GRIK2: variants seen among roughly 807,000 people sequenced by gnomAD.
GRIK2 encodes glutamate receptor ionotropic, kainate 2.
Under a neutral mutation model 100.3 loss-of-function variants are expected in GRIK2, and 32 were observed. The ratio of observed to expected loss-of-function variants is 0.32; its 90% CI spans 0.24 to 0.43. GRIK2 has a LOEUF of 0.43. Among genes scored for constraint, GRIK2 ranks in the 20% least tolerant of loss-of-function variants. The pLI, the probability that GRIK2 is intolerant of heterozygous loss-of-function variation, is 1.00. For synonymous variants in GRIK2, 417 were observed against 389.4 expected, an observed-to-expected ratio of 1.07 and a Z score of -0.83; for missense variants, 843 against 1,114.9, an observed-to-expected ratio of 0.76 and a Z score of 3.47.
At chr6:102,016,593 C>A (rs1046944698) in intron 14 of GRIK2, among the ~76,000 whole-genome samples, 1 of 148,292 alleles carries the variant, frequency 6.7e-6, no homozygotes, top group African/African-American at 2.5e-5. Context: ...ATGAAAAGGG[C>A]CAAACAAAAC....
At chr6:101,765,925 T>A (rs1778020303) in intron 7 of GRIK2, among the ~76,000 whole-genome samples, 1 of 152,164 alleles carries the variant, frequency 6.6e-6, no homozygotes, top group African/African-American at 2.4e-5. Flanking sequence ...CATTTATTTT[T>A]GTGGAATCCT....
intron 2 of GRIK2, among the ~76,000 whole-genome samples, chr6:101,411,049 T>C (rs1398007888): frequency 2.0e-5 from 3 of 152,076 alleles, no homozygotes; most frequent in African/African-American, 7.2e-5. Flanking sequence ...AAGAATATTT[T>C]TGAATTTTTG....
At position 102,055,527 on chromosome 6, in the gene GRIK2, G is replaced by A; in HGVS notation, c.2509G>A (p.Val837Met). ...AGCCGGCTTGGTGCTTTCAGTTTTT[G>A]TGGCAGTGGGAGAATTTTTATACAA... is the stretch of plus-strand genomic sequence containing the variant. ...LAAGLVLSVF[V>M]AVGEFLYKSK... Residue 837 changes from valine (V) to methionine (M), a missense_variant, in exon 16 of 17, where the codon GTG becomes ATG. By Grantham distance (21) the Val-to-Met change is conservative. Around this residue, in one of 3 missense-constraint regions of GRIK2, gnomAD observed 237 missense variants for 388.0 expected, o/e 0.61. Transcript: ENST00000369134. 1 of 1,612,360 alleles carries A rather than the reference G, an allele frequency of 6.2e-7. No individual in the cohort carries two copies. Among genetic ancestry groups the A allele is most frequent in the Non-Finnish European group, 8.5e-7 (1 of 1,178,556 alleles).
chr6:101,779,056 T>G (rs967464488), intron 7 of GRIK2, among the ~76,000 whole-genome samples: 9 of 152,154 alleles, frequency 5.9e-5, no homozygotes, highest in Non-Finnish European at 1.3e-4. Context: ...TCAATTTTTA[T>G]TTGAAACTTT....
chr6:101,512,309 G>A (rs146527557), intron 2 of GRIK2, among the ~76,000 whole-genome samples: 97 of 152,014 alleles, frequency 6.4e-4, no homozygotes, highest in African/African-American at 2.0e-3. Flanking sequence ...AATAGGTAAT[G>A]CAATTGAGTA....
intron 7 of GRIK2, among the ~76,000 whole-genome samples, chr6:101,794,872 T>G (rs906972357): frequency 2.0e-5 from 3 of 151,522 alleles, no homozygotes; most frequent in Non-Finnish European, 4.4e-5. Context: ...TTCAATTTTT[T>G]TTTTTTTTTT....
intron 2 of GRIK2, among the ~76,000 whole-genome samples, chr6:101,524,696 GA>G (rs1775058506): frequency 6.7e-6 from 1 of 149,418 alleles, no homozygotes; most frequent in Non-Finnish European, 1.5e-5. Context: ...TAGTCAGAAA[GA>G]AACTTAAGAC....
intron 2 of GRIK2, among the ~76,000 whole-genome samples, chr6:101,598,270 T>G (rs1469633551): frequency 2.6e-5 from 4 of 151,598 alleles, no homozygotes; most frequent in Admixed American, 6.6e-5. Flanking sequence ...TTTGCCCTTG[T>G]CTACAACCTC....
intron 4 of GRIK2, among the ~76,000 whole-genome samples, chr6:101,651,385 A>G (rs796678646): frequency 1.6e-4 from 24 of 152,308 alleles, no homozygotes; most frequent in African/African-American, 5.3e-4. Flanking sequence ...TGTGTTAGAC[A>G]TGTGCTAATC....
chr6:101,564,598 A>C (rs1208084880), intron 2 of GRIK2, among the ~76,000 whole-genome samples: 3 of 152,020 alleles, frequency 2.0e-5, no homozygotes, highest in African/African-American at 7.2e-5. Context: ...TGGAGAGTTG[A>C]CCAAACTGTC....
chr6:101,675,165 C>A (rs1157350620), intron 4 of GRIK2, among the ~76,000 whole-genome samples: 1 of 151,926 alleles, frequency 6.6e-6, no homozygotes, highest in African/African-American at 2.4e-5. Flanking sequence ...ATCCCCTCTC[C>A]ATCCCTCTCT....
chr6:101,511,583 A>G lies in GRIK2; in HGVS notation c.116-110366A>G, dbSNP rs144157051. Among the ~76,000 whole-genome samples, 360 of 152,060 alleles carry G rather than the reference A, an allele frequency of 2.4e-3. 1 individual carries two copies. Among genetic ancestry groups the G allele is most frequent in the Middle Eastern group, 6.8e-3 (2 of 294 alleles). ...AATAAATTTATATTATTAGAAAAAC[A>G]AATATAAAAAGATTATTGTCTTAAC... On this transcript the variant is annotated intron_variant, in intron 2 of 16. Transcript: ENST00000369134.
At chr6:101,655,693 G>T (rs1402664828) in intron 4 of GRIK2, among the ~76,000 whole-genome samples, 1 of 152,042 alleles carries the variant, frequency 6.6e-6, no homozygotes, top group Admixed American at 6.6e-5. Context: ...ATGGACCATA[G>T]ACATGTACTT....
At position 101,889,804 on chromosome 6, in the gene GRIK2, C is replaced by A; in HGVS notation, c.1689C>A (p.Ile563=). ...TCCTGAATCCTCTCTCCCCTGATAT[C>A]TGGATGTATATTCTGCTGGCTTACT... ...FSFLNPLSPD[I]WMYILLAYLG... The change falls in exon 12 of 17, where the codon ATC becomes ATA. Residue 563 remains isoleucine (I), a synonymous_variant. Transcript: ENST00000369134. 6.2e-7 allele frequency: 1 copy of A among 1,613,608 alleles called. No homozygotes were observed. The highest frequency in any genetic ancestry group is 8.5e-7 in the Non-Finnish European group (1 of 1,179,664).
intron 7 of GRIK2, among the ~76,000 whole-genome samples, chr6:101,688,760 T>G (rs920690791): frequency 1.3e-5 from 2 of 151,994 alleles, no homozygotes; most frequent in Admixed American, 1.3e-4. Flanking sequence ...TCTCTTTCCT[T>G]TGGTATAGTT....
At chr6:101,396,541 A>G (rs1775017444) in intron 1 of GRIK2, among the ~76,000 whole-genome samples, 2 of 152,206 alleles carry the variant, frequency 1.3e-5, no homozygotes, top group Non-Finnish European at 2.9e-5. Flanking sequence ...AGATAACTAC[A>G]TCTTGGGCTT....
intron 2 of GRIK2, among the ~76,000 whole-genome samples, chr6:101,415,717 G>A (rs1227806129): frequency 6.6e-6 from 1 of 151,992 alleles, no homozygotes; most frequent in Non-Finnish European, 1.5e-5. Flanking sequence ...TATTACAGAG[G>A]TGCTTATAAT....
chr6:102,025,246 T>C (rs901709591), intron 14 of GRIK2, among the ~76,000 whole-genome samples: 2 of 151,230 alleles, frequency 1.3e-5, no homozygotes, highest in African/African-American at 2.4e-5. Flanking sequence ...ATCTATGATA[T>C]ACTAGACACT....
chr6:101,793,699 T>A (rs906589892), intron 7 of GRIK2, among the ~76,000 whole-genome samples: 4 of 152,118 alleles, frequency 2.6e-5, no homozygotes, highest in Admixed American at 2.6e-4. Flanking sequence ...CGTTCTCAGA[T>A]CTCCAGCTGC....
Sources: gnomAD v4.1 joint callset for allele counts (sites outside exome capture counted in the v4.1 genomes callset) on GRCh38, gnomAD v4.1.1 for gene constraint, gnomAD v4.1.1 regional missense constraint, MANE v1.5 for transcripts, NCBI Gene and HGNC (gene_info 2026-07-23, HGNC 2026-07-21) for gene names.